Variants in DAB1 observed in about 807,000 individuals in gnomAD.
DAB1 encodes the protein DAB adaptor protein 1.
In DAB1, 15 loss-of-function variants were observed where a neutral mutation model predicts 64.6. That is an observed-to-expected ratio of 0.23 (90% CI 0.16 to 0.36). DAB1 has a LOEUF of 0.36. DAB1 is among the 10% of genes least tolerant of loss of function. The pLI is 1.00. For synonymous variants in DAB1, 235 were observed against 251.9 expected (o/e 0.93, Z 0.64); for missense variants, 596 against 706.7 (o/e 0.84, Z 1.78).
rs111872928 is a variant in DAB1 at position 57,436,206 on chromosome 1, CAT to C, written n.626-145042_626-145041del. Among the ~76,000 whole-genome samples the C allele has an allele frequency of 1.1e-3, 161 of 152,254 alleles. 1 individual carries two copies. The highest frequency in any genetic ancestry group is 3.3e-3 in the African/African-American group (139 of 41,542). Reference sequence around the variant, plus strand: ...TGTTGGGATTACAGGCGTGAGCCACCATGCCCGGCTGTGCTAGACTTTTATAC... The same window carrying C: ...TGTTGGGATTACAGGCGTGAGCCACCGCCCGGCTGTGCTAGACTTTTATAC... On this transcript the variant is annotated intron_variant and non_coding_transcript_variant, in intron 7 of 20. Transcript: ENST00000485760.
At chr1:58,440,636 G>A (rs1191715301) in intron 3 of DAB1, among the ~76,000 whole-genome samples, 1 of 152,198 alleles carries the variant, frequency 6.6e-6, no homozygotes, top group African/African-American at 2.4e-5. Flanking sequence ...ATGAGATAAT[G>A]AAATAAGTGT....
intron 4 of DAB1, among the ~76,000 whole-genome samples, chr1:58,280,535 G>A (rs184879250): frequency 3.3e-5 from 5 of 152,288 alleles, no homozygotes; most frequent in Non-Finnish European, 4.4e-5. Flanking sequence ...GTAAAATGCT[G>A]AGCTTGATAC....
intron 9 of DAB1, among the ~76,000 whole-genome samples, chr1:57,052,873 T>C (rs1649330001): frequency 6.6e-6 from 1 of 152,202 alleles, no homozygotes; most frequent in Non-Finnish European, 1.5e-5. Context: ...TTATCTGAAA[T>C]GTTTTTCTTA....
At chr1:58,345,612 C>T (rs773208239) in intron 3 of DAB1, among the ~76,000 whole-genome samples, 11 of 152,122 alleles carry the variant, frequency 7.2e-5, no homozygotes, top group South Asian at 2.1e-4. Flanking sequence ...ATAAATCCAA[C>T]GGGAAGATTT....
At chr1:57,558,041 C>T (rs1263374464) in intron 7 of DAB1, among the ~76,000 whole-genome samples, 4 of 150,718 alleles carry the variant, frequency 2.7e-5, no homozygotes, top group Non-Finnish European at 5.9e-5. Flanking sequence ...GCATGCACAG[C>T]CTTGCCAGAT....
At chr1:57,016,271 T>G (rs1340353844) in intron 11 of DAB1, among the ~76,000 whole-genome samples, 1 of 152,022 alleles carries the variant, frequency 6.6e-6, no homozygotes, top group Non-Finnish European at 1.5e-5. Flanking sequence ...TTATTCTTAT[T>G]CCAATTTTAG....
At chr1:58,276,997 G>C (rs1330937875) in intron 4 of DAB1, among the ~76,000 whole-genome samples, 2 of 150,588 alleles carry the variant, frequency 1.3e-5, no homozygotes, top group Non-Finnish European at 2.9e-5. Flanking sequence ...CCTAACTGCT[G>C]GTTGAATAAA....
intron 1 of DAB1, among the ~76,000 whole-genome samples, chr1:57,399,039 T>C (rs1351179794): frequency 1.3e-5 from 2 of 152,164 alleles, no homozygotes; most frequent in African/African-American, 4.8e-5. Context: ...TCCAATTTGG[T>C]CTGTAGTTGA....
intron 5 of DAB1, among the ~76,000 whole-genome samples, chr1:57,891,499 C>T (rs990052668): frequency 3.3e-5 from 5 of 152,294 alleles, no homozygotes; most frequent in African/African-American, 2.4e-5. Flanking sequence ...CCAGCAATCC[C>T]ATTACTGGCT....
chr1:57,792,315 T>C (rs1191895476), intron 6 of DAB1, among the ~76,000 whole-genome samples: 1 of 152,216 alleles, frequency 6.6e-6, no homozygotes. Context: ...TCAGACACAT[T>C]TATTTATTTT....
At chr1:58,227,783 C>T (rs896547191) in intron 4 of DAB1, among the ~76,000 whole-genome samples, 1 of 152,162 alleles carries the variant, frequency 6.6e-6, no homozygotes, top group Admixed American at 6.6e-5. Flanking sequence ...TGTTTCTCCC[C>T]CTTCTCTTCC....
intron 3 of DAB1, among the ~76,000 whole-genome samples, chr1:58,354,269 G>A (rs904256257): frequency 1.3e-5 from 2 of 152,030 alleles, no homozygotes; most frequent in African/African-American, 4.8e-5. Context: ...AGACCTATTC[G>A]AATTCAAGCG....
chr1:57,965,392 G>T (rs1351811796), intron 5 of DAB1, among the ~76,000 whole-genome samples: 1 of 152,116 alleles, frequency 6.6e-6, no homozygotes, highest in Non-Finnish European at 1.5e-5. Flanking sequence ...CCTCATAGGG[G>T]TATCACTTTG....
intron 5 of DAB1, among the ~76,000 whole-genome samples, chr1:58,138,071 T>C (rs1018121864): frequency 5.9e-5 from 9 of 152,198 alleles, no homozygotes; most frequent in Non-Finnish European, 1.2e-4. Context: ...TGATGAATGT[T>C]GGCAAAAATT....
chr1:57,637,409 C>T (rs1261337603), intron 7 of DAB1, among the ~76,000 whole-genome samples: 2 of 152,156 alleles, frequency 1.3e-5, no homozygotes, highest in Non-Finnish European at 2.9e-5. Context: ...CTGTAGGAGC[C>T]AGCAAAGAAT....
intron 1 of DAB1, among the ~76,000 whole-genome samples, chr1:58,532,518 A>C (rs1049822383): frequency 6.6e-6 from 1 of 152,136 alleles, no homozygotes; most frequent in Non-Finnish European, 1.5e-5. Context: ...TTTAAGAAAA[A>C]AAGATTTTTT....
chr1:57,080,882 C>T (rs772569307), intron 4 of DAB1, among the ~76,000 whole-genome samples: 1 of 152,040 alleles, frequency 6.6e-6, no homozygotes, highest in Admixed American at 6.6e-5. Context: ...CAGTTGGTAG[C>T]GGGATAGAAT....
At chr1:57,584,345 T>A (rs1288221610) in intron 7 of DAB1, among the ~76,000 whole-genome samples, 2 of 152,252 alleles carry the variant, frequency 1.3e-5, no homozygotes, top group Admixed American at 6.5e-5. Context: ...ATTAAACTCC[T>A]TTAAATTTAA....
intron 3 of DAB1, among the ~76,000 whole-genome samples, chr1:57,143,625 TA>T (rs1658826341): frequency 6.6e-6 from 1 of 152,118 alleles, no homozygotes; most frequent in East Asian, 1.9e-4. Flanking sequence ...AATTAAGTTT[TA>T]AAAATCATGA....
Sources: gnomAD v4.1 joint callset for allele counts (sites outside exome capture counted in the v4.1 genomes callset) on GRCh38, gnomAD v4.1.1 for gene constraint, MANE v1.5 for transcripts, NCBI Gene and HGNC (gene_info 2026-07-23, HGNC 2026-07-21) for gene names.